The following CNKSR3 variants were observed in gnomAD, a reference collection of about 807,000 sequenced individuals.
CNKSR3 encodes CNKSR family member 3.
CNKSR3 carries 36 observed loss-of-function variants against 67.7 expected under a neutral mutation model. The observed-to-expected ratio is 0.53, with a 90% confidence interval of 0.41 to 0.70. The LOEUF (loss-of-function observed/expected upper bound fraction) is 0.70. Ranked by LOEUF, CNKSR3 falls within the 30% of genes least tolerant of loss-of-function variation. The probability of loss-of-function intolerance (pLI) is 0.00; values close to 1 mark genes in which losing one functional copy is unlikely to be tolerated. For synonymous variants in CNKSR3, 281 were observed against 271.4 expected (o/e 1.04, Z -0.35); for missense variants, 630 against 695.2 (o/e 0.91, Z 1.05).
chr6:154,499,066 C>T lies in CNKSR3; in HGVS notation c.52+10997G>A, dbSNP rs555979468. ...TTCCTGGGCTGAGCACTCACAGGGACAGGACGGAAGGATGCCCTGGGCCTG... is the reference window on the plus strand; with the variant it reads ...TTCCTGGGCTGAGCACTCACAGGGATAGGACGGAAGGATGCCCTGGGCCTG... On this transcript the variant is annotated intron_variant, in intron 1 of 12. Transcript: ENST00000607772. Among the ~76,000 whole-genome samples, 7 of 152,258 alleles carry T rather than the reference C, an allele frequency of 4.6e-5. No homozygotes were observed. In the South Asian group the frequency reaches 1.5e-3, roughly 32 times the overall value.
intron 1 of CNKSR3, among the ~76,000 whole-genome samples, chr6:154,488,092 A>G (rs1410816342): frequency 6.6e-6 from 1 of 152,230 alleles, no homozygotes; most frequent in Non-Finnish European, 1.5e-5. Context: ...ACTAGCAATA[A>G]CAACGATAAG....
intron 1 of CNKSR3, among the ~76,000 whole-genome samples, chr6:154,487,528 C>T (rs555659276): frequency 6.6e-6 from 1 of 152,290 alleles, no homozygotes; most frequent in South Asian, 2.1e-4. Flanking sequence ...TTCTCCAGTA[C>T]TGTGTCACCC....
chr6:154,493,081 CACTG>C (rs1459479248), intron 1 of CNKSR3, among the ~76,000 whole-genome samples: 7 of 152,172 alleles, frequency 4.6e-5, no homozygotes, highest in Non-Finnish European at 1.0e-4. Context: ...CTCCCCAAAA[CACTG>C]ACTGTAAGCC....
At chr6:154,482,747 G>C (rs1418492443) in intron 1 of CNKSR3, among the ~76,000 whole-genome samples, 1 of 152,200 alleles carries the variant, frequency 6.6e-6, no homozygotes, top group Non-Finnish European at 1.5e-5. Flanking sequence ...AACCTATCTA[G>C]AGTTCTGTTG....
rs1033327976 is a variant in CNKSR3, at chr6:154,387,835, T to C, written c.*18519A>G. The C allele has an allele frequency of 2.0e-5, 3 of 152,220 alleles. No homozygotes were observed. Among genetic ancestry groups the C allele is most frequent in the Admixed American group, 2.0e-4 (3 of 15,274 alleles). The allele number at this position is 152,220 out of a possible 1,614,324, so 9.4% of individuals were successfully genotyped here. A position where few individuals can be genotyped will look rare whatever the true frequency, so the allele number is the denominator to read the frequency against. On this transcript the variant is annotated 3_prime_UTR_variant, in exon 13 of 13. Transcript: ENST00000607772. ...ATTTATTTTTTATCATTTGAAATAATAGCTTATAAATAACATTGGTCCAGA... is the reference window on the plus strand; with the variant it reads ...ATTTATTTTTTATCATTTGAAATAACAGCTTATAAATAACATTGGTCCAGA...
intron 1 of CNKSR3, among the ~76,000 whole-genome samples, chr6:154,461,471 CTA>C (rs766456726): frequency 1.3e-5 from 2 of 152,210 alleles, no homozygotes; most frequent in Non-Finnish European, 2.9e-5. Context: ...TCTGCACCAA[CTA>C]TACAGGCCAG....
chr6:154,504,568 A>G (rs1009478747), intron 1 of CNKSR3, among the ~76,000 whole-genome samples: 1 of 152,236 alleles, frequency 6.6e-6, no homozygotes, highest in Non-Finnish European at 1.5e-5. Flanking sequence ...ACAAGTAATC[A>G]AAGTGACAAA....
At chr6:154,479,523 C>T (rs961677484) in intron 1 of CNKSR3, among the ~76,000 whole-genome samples, 2 of 152,104 alleles carry the variant, frequency 1.3e-5, no homozygotes, top group African/African-American at 4.8e-5. Context: ...CAAAAGAAAG[C>T]GGGGGTAAAA....
Position 154,393,895 on chromosome 6 carries a change from A to G in CNKSR3, c.*12459T>C, listed in dbSNP as rs1050792747. 11 of 152,236 alleles carry G rather than the reference A, an allele frequency of 7.2e-5. No individual in the cohort carries two copies. The highest frequency in any genetic ancestry group is 2.7e-4 in the African/African-American group (11 of 41,460). 9.4% of individuals were successfully genotyped at this position (152,236 alleles called of 1,614,324 possible). On this transcript the variant is annotated 3_prime_UTR_variant, in exon 13 of 13. Transcript: ENST00000607772. ...TGGGGAAAATGTAGTCTTGAGTATT[A>G]ATATTAGAAAAGAGTTGTAAATTAA...
At chr6:154,456,631 TGG>T (rs1785964221) in intron 1 of CNKSR3, among the ~76,000 whole-genome samples, 3 of 139,166 alleles carry the variant, frequency 2.2e-5, no homozygotes, top group African/African-American at 8.1e-5. Flanking sequence ...CAGTTGAACC[TGG>T]GAGATGGAGG....
chr6:154,447,415 A>G (rs890882232), intron 2 of CNKSR3, among the ~76,000 whole-genome samples: 2 of 152,168 alleles, frequency 1.3e-5, no homozygotes, highest in African/African-American at 4.8e-5. Context: ...CCCTCTACCC[A>G]GAGAGAGGAA....
At chr6:154,459,863 ACAGT>A (rs535137103) in intron 1 of CNKSR3, among the ~76,000 whole-genome samples, 144 of 152,250 alleles carry the variant, frequency 9.5e-4, no homozygotes, top group Non-Finnish European at 1.7e-3. Context: ...CCAGAAAACA[ACAGT>A]CAGACGGGCT....
Position 154,401,836 on chromosome 6 carries a change from T to C in CNKSR3, c.*4518A>G, listed in dbSNP as rs957391149. On this transcript the variant is annotated 3_prime_UTR_variant, in exon 13 of 13. Transcript: ENST00000607772. ...CAAAAGGCAGCATGAGTCTCATGCTTTGCTGGTGACATTCAAATGTCAGAC... is the reference window on the plus strand; with the variant it reads ...CAAAAGGCAGCATGAGTCTCATGCTCTGCTGGTGACATTCAAATGTCAGAC... 6.6e-6 allele frequency: 1 copy of C among 152,216 alleles called. No individual in the cohort carries two copies. Among genetic ancestry groups the C allele is most frequent in the Admixed American group, 6.5e-5 (1 of 15,284 alleles). The allele number at this position is 152,216 out of a possible 1,614,324, so 9.4% of individuals were successfully genotyped here. A position where few individuals can be genotyped will look rare whatever the true frequency, so the allele number is the denominator to read the frequency against.
intron 2 of CNKSR3, among the ~76,000 whole-genome samples, chr6:154,442,696 GA>G (rs1785625044): frequency 6.6e-6 from 1 of 151,836 alleles, no homozygotes; most frequent in Non-Finnish European, 1.5e-5. Flanking sequence ...TTAGTCACTT[GA>G]AAAAAACCTT....
chr6:154,474,940 G>A (rs2114631710), intron 1 of CNKSR3, among the ~76,000 whole-genome samples: 1 of 152,324 alleles, frequency 6.6e-6, no homozygotes, highest in Non-Finnish European at 1.5e-5. Flanking sequence ...CGGGCCTCAG[G>A]AGGCTCCAGA....
chr6:154,442,340 C>T (rs1785612381), intron 2 of CNKSR3, 50 bp from the exon 3 acceptor site: 2 of 1,518,742 alleles, frequency 1.3e-6, no homozygotes, highest in Non-Finnish European at 1.8e-6. Flanking sequence ...GCACAATATT[C>T]GACAGGGCGC....
intron 1 of CNKSR3, among the ~76,000 whole-genome samples, chr6:154,470,967 T>G (rs1582886757): frequency 6.6e-6 from 1 of 152,208 alleles, no homozygotes; most frequent in East Asian, 1.9e-4. Context: ...GTTTTTAGTA[T>G]AGCCATAATA....
Position 154,486,381 on chromosome 6 carries a change from C to T in CNKSR3, c.52+23682G>A, listed in dbSNP as rs111703756. ...TGCGATCTCGGCTCATGGCAGCCTC[C>T]GCCTCCTGGCTTCCAGTGATTTCTC... On this transcript the variant is annotated intron_variant, in intron 1 of 12. Coordinates refer to ENST00000607772, the MANE Select transcript of CNKSR3 (RefSeq NM_173515.4). Among the ~76,000 whole-genome samples, 1,021 of 151,926 alleles carry T rather than the reference C, an allele frequency of 6.7e-3. 12 individuals carry two copies. Among genetic ancestry groups the T allele is most frequent in the African/African-American group, 0.023 (961 of 41,424 alleles).
At chr6:154,508,022 C>T (rs948662350) in intron 1 of CNKSR3, among the ~76,000 whole-genome samples, 5 of 151,862 alleles carry the variant, frequency 3.3e-5, no homozygotes, top group Non-Finnish European at 5.9e-5. Flanking sequence ...CCATAATCTT[C>T]CTGTGCGCCT....
Sources: allele counts gnomAD v4.1 joint callset (sites outside exome capture counted in the v4.1 genomes callset), GRCh38; gene constraint gnomAD v4.1.1; transcripts MANE v1.5; gene names NCBI Gene and HGNC (gene_info 2026-07-23, HGNC 2026-07-21).